Variants in C3orf70 observed in about 807,000 individuals in gnomAD.
C3orf70 encodes chromosome 3 open reading frame 70.
In C3orf70, 15 loss-of-function variants were observed where a neutral mutation model predicts 20.7. The ratio of observed to expected loss-of-function variants is 0.72; its 90% CI spans 0.48 to 1.11. C3orf70 has a LOEUF of 1.11. Ranked by LOEUF, C3orf70 falls within the 50% of genes most tolerant of loss-of-function variation. The pLI is 0.00. For synonymous variants in C3orf70, 161 were observed against 125.7 expected, an observed-to-expected ratio of 1.28 and a Z score of -1.88; for missense variants, 332 against 317.6, an observed-to-expected ratio of 1.05 and a Z score of -0.34.
chr3:185,141,368 A>AT (rs1716746865), intron 1 of C3orf70, among the ~76,000 whole-genome samples: 1 of 152,010 alleles, frequency 6.6e-6, no homozygotes, highest in Admixed American at 6.6e-5. Flanking sequence ...AAAAAAAAAA[A>AT]CGAAACATGT....
At chr3:185,102,342 T>C (rs778768507) in intron 1 of C3orf70, among the ~76,000 whole-genome samples, 4 of 152,046 alleles carry the variant, frequency 2.6e-5, no homozygotes, top group Admixed American at 6.6e-5. Flanking sequence ...ACCAGGAATA[T>C]AGCTAACCAG....
chr3:185,083,330 A>C lies in C3orf70; in HGVS notation c.430T>G (p.Cys144Gly). 3 of 1,614,174 alleles carry C rather than the reference A, an allele frequency of 1.9e-6. No homozygotes were observed. Among genetic ancestry groups the C allele is most frequent in the Non-Finnish European group, 1.7e-6 (2 of 1,180,040 alleles). Residue 144 changes from cysteine to glycine, a missense_variant, in exon 2 of 2, where the codon TGT becomes GGT. Physicochemically the swap from Cys to Gly is radical, Grantham distance 159. Transcript: ENST00000335012. ...GGTGCCGGCTGCTTCTGCACATAAC[A>C]CATCTTCCCATTAATACATTTAACC... ...YQVKCINGKMCYVQKQPAPHS... is the reference protein window; with the variant it reads ...YQVKCINGKMGYVQKQPAPHS...
At chr3:185,122,849 T>A (rs759316079) in intron 1 of C3orf70, among the ~76,000 whole-genome samples, 1 of 151,992 alleles carries the variant, frequency 6.6e-6, no homozygotes, top group African/African-American at 2.4e-5. Flanking sequence ...TTCCGCTCCT[T>A]GGACATCAAA....
chr3:185,101,875 T>C (rs9878579), intron 1 of C3orf70, among the ~76,000 whole-genome samples: 7,912 of 152,164 alleles, frequency 0.052, 670 homozygotes, highest in African/African-American at 0.18. Context: ...AGTTCAACAT[T>C]CCTTCATGTT....
chr3:185,121,290 G>A (rs562829525), intron 1 of C3orf70, among the ~76,000 whole-genome samples: 2 of 151,730 alleles, frequency 1.3e-5, no homozygotes, highest in African/African-American at 4.8e-5. Context: ...TATACTGCTC[G>A]GGTGACGGGT....
rs1351960660 is a variant in C3orf70, at chr3:185,078,597, C to G, written c.*4410G>C. On this transcript the variant is annotated 3_prime_UTR_variant, in exon 2 of 2. Transcript: ENST00000335012. ...CCCACTGGCTTCCCCCTTCTTCCCT[C>G]CTCCTCAGTGGGAGAGGACAAAATC... is the stretch of plus-strand genomic sequence containing the variant. 6.6e-6 allele frequency: 1 copy of G among 152,270 alleles called. No individual in the cohort carries two copies. Among genetic ancestry groups the G allele is most frequent in the African/African-American group, 2.4e-5 (1 of 41,466 alleles). 9.4% of individuals were successfully genotyped at this position (152,270 alleles called of 1,614,324 possible). A position where few individuals can be genotyped will look rare whatever the true frequency, so the allele number is the denominator to read the frequency against.
rs1454642873 is a variant in C3orf70, at chr3:185,078,401, C to T, written c.*4606G>A. On this transcript the variant is annotated 3_prime_UTR_variant, in exon 2 of 2. Coordinates refer to ENST00000335012, the MANE Select transcript of C3orf70 (RefSeq NM_001025266.3). Reference sequence around the variant, plus strand: ...GTCATAGCACTAACTGAAACATGGCCTTTTCCTAGAACAGCTAACTCTCAG... The same window carrying T: ...GTCATAGCACTAACTGAAACATGGCTTTTTCCTAGAACAGCTAACTCTCAG... 6.6e-6 allele frequency: 1 copy of T among 152,200 alleles called. No individual in the cohort carries two copies. Among genetic ancestry groups the T allele is most frequent in the Non-Finnish European group, 1.5e-5 (1 of 68,040 alleles). The allele number at this position is 152,200 out of a possible 1,614,324, so 9.4% of individuals were successfully genotyped here.
Position 185,080,726 on chromosome 3 carries a change from G to T in C3orf70, c.*2281C>A, listed in dbSNP as rs1471648353. ...ATGCACGGGAGGCACCGAGAACCTCGGGCAGGGTTCATCAGATGTCCCTGT... is the reference window on the plus strand; with the variant it reads ...ATGCACGGGAGGCACCGAGAACCTCTGGCAGGGTTCATCAGATGTCCCTGT... On this transcript the variant is annotated 3_prime_UTR_variant, in exon 2 of 2. Transcript: ENST00000335012. 1.3e-5 allele frequency: 2 copies of T among 151,908 alleles called. No individual in the cohort carries two copies. The highest frequency in any genetic ancestry group is 2.9e-5 in the Non-Finnish European group (2 of 68,010). The allele number at this position is 151,908 out of a possible 1,614,324, so 9.4% of individuals were successfully genotyped here.
At chr3:185,110,311 A>T (rs1163834175) in intron 1 of C3orf70, among the ~76,000 whole-genome samples, 1 of 152,252 alleles carries the variant, frequency 6.6e-6, no homozygotes, top group Admixed American at 6.5e-5. Context: ...AATGCCAGGA[A>T]CTGGAGTGCT....
chr3:185,138,749 TTCC>T lies in C3orf70; in HGVS notation c.196+13876_196+13878del, dbSNP rs200970171. 3.7e-3 allele frequency among the ~76,000 whole-genome samples: 559 copies of T among 152,274 alleles called. 3 individuals are homozygous for T. The highest frequency in any genetic ancestry group is 0.012 in the African/African-American group (513 of 41,546). ...CAGAAAATAGGAATAGAGGAGGAACTTCCTCAACTTGATAAAGAACATCTACAA... is the reference window on the plus strand; with the variant it reads ...CAGAAAATAGGAATAGAGGAGGAACTTCAACTTGATAAAGAACATCTACAA... On this transcript the variant is annotated intron_variant, in intron 1 of 1. Coordinates refer to ENST00000335012, the MANE Select transcript of C3orf70 (RefSeq NM_001025266.3).
chr3:185,119,651 G>C lies in C3orf70; in HGVS notation c.196+32977C>G, dbSNP rs16859651. Among the ~76,000 whole-genome samples the C allele has an allele frequency of 7.0e-3, 1,064 of 152,198 alleles. 18 individuals are homozygous for C. Among genetic ancestry groups the C allele is most frequent in the African/African-American group, 0.025 (1,022 of 41,512 alleles). The stretch of plus-strand genomic sequence containing the variant: ...TTTCAGTTAATCTCCGAATTTTTCA[G>C]AAAAGTACATCACTAATCTATTTTC... On this transcript the variant is annotated intron_variant, in intron 1 of 1. Coordinates refer to ENST00000335012, the MANE Select transcript of C3orf70 (RefSeq NM_001025266.3).
intron 1 of C3orf70, among the ~76,000 whole-genome samples, chr3:185,122,531 T>C (rs901011654): frequency 2.0e-5 from 3 of 152,218 alleles, no homozygotes; most frequent in African/African-American, 4.8e-5. Context: ...TACCTTGTTA[T>C]TGTCTTTATT....
chr3:185,077,246 T>C lies in C3orf70; in HGVS notation c.*5761A>G, dbSNP rs1715213813. 6.6e-6 allele frequency among the ~76,000 whole-genome samples: 1 copy of C among 152,048 alleles called. No individual in the cohort carries two copies. Among genetic ancestry groups the C allele is most frequent in the African/African-American group, 2.4e-5 (1 of 41,384 alleles). Reference sequence around the variant, plus strand: ...CTGAGGTAGACGAGGCACTAGTCTGTGGGAAGGTATCTGCTGGGTTAGGGG... The same window carrying C: ...CTGAGGTAGACGAGGCACTAGTCTGCGGGAAGGTATCTGCTGGGTTAGGGG... On this transcript the variant is annotated 3_prime_UTR_variant, in exon 2 of 2. Transcript: ENST00000335012.
At chr3:185,107,268 G>A (rs566325785) in intron 1 of C3orf70, among the ~76,000 whole-genome samples, 25 of 152,284 alleles carry the variant, frequency 1.6e-4, no homozygotes, top group African/African-American at 4.8e-4. Context: ...TGAAGGGCCC[G>A]ATGGACAACC....
intron 1 of C3orf70, among the ~76,000 whole-genome samples, chr3:185,143,188 C>T (rs13068682): frequency 0.073 from 11,028 of 151,632 alleles, 452 homozygotes; most frequent in South Asian, 0.1. Flanking sequence ...TTTGGCATAC[C>T]GATATATTTT....
intron 1 of C3orf70, among the ~76,000 whole-genome samples, chr3:185,113,938 G>A (rs12487069): frequency 0.44 from 67,393 of 152,024 alleles, 16,021 homozygotes; most frequent in Non-Finnish European, 0.56. Context: ...GGTGGCTCAC[G>A]CCTGTAAACC....
At position 185,124,749 on chromosome 3, in the gene C3orf70, G is replaced by A. The variant is rs116817471; in HGVS notation, c.196+27879C>T. On this transcript the variant is annotated intron_variant, in intron 1 of 1. Transcript: ENST00000335012. ...GTAAGAAAATGAAAATCCACAGACT[G>A]GGAGAAAATATTTGCAAACATATGT... is the stretch of plus-strand genomic sequence containing the variant. 7.2e-3 allele frequency among the ~76,000 whole-genome samples: 1,101 copies of A among 152,094 alleles called. 20 individuals are homozygous for A. The highest frequency in any genetic ancestry group is 0.025 in the African/African-American group (1,049 of 41,484).
At chr3:185,150,389 T>C (rs1435481801) in intron 1 of C3orf70, among the ~76,000 whole-genome samples, 2 of 152,150 alleles carry the variant, frequency 1.3e-5, no homozygotes, top group African/African-American at 2.4e-5. Flanking sequence ...ATAAATATAT[T>C]AAGAAAGAGC....
At chr3:185,092,989 C>CAAA (rs35779843) in intron 1 of C3orf70, among the ~76,000 whole-genome samples, 2 of 129,960 alleles carry the variant, frequency 1.5e-5, no homozygotes, top group African/African-American at 2.9e-5. Context: ...GACTCCATCT[C>CAAA]AAAAAAAAAA....
Sources: gnomAD v4.1 joint callset for allele counts (sites outside exome capture counted in the v4.1 genomes callset) on GRCh38, gnomAD v4.1.1 for gene constraint, MANE v1.5 for transcripts, NCBI Gene and HGNC (gene_info 2026-07-23, HGNC 2026-07-21) for gene names.